TENM3: variants seen among roughly 807,000 people sequenced by gnomAD.
TENM3 encodes the protein teneurin-3.
A neutral mutation model predicts 255.1 loss-of-function variants in TENM3; 63 were observed. That is an observed-to-expected ratio of 0.25 (90% CI 0.20 to 0.30). The LOEUF (loss-of-function observed/expected upper bound fraction) is 0.30. TENM3 is among the 10% of genes least tolerant of loss of function. The pLI is 1.00. For synonymous variants in TENM3, 1,306 were observed against 1,322.3 expected, an observed-to-expected ratio of 0.99 and a Z score of 0.27; for missense variants, 2,929 against 3,461.1, an observed-to-expected ratio of 0.85 and a Z score of 3.86.
At chr4:181,994,793 A>C in the TENM3 span, among the ~76,000 whole-genome samples, 1 of 152,324 alleles carries the variant, frequency 6.6e-6, no homozygotes, top group South Asian at 2.1e-4. Context: ...TTAGCTAACG[A>C]AAAACAGAGT....
At chr4:181,512,369 C>T in the TENM3 span, among the ~76,000 whole-genome samples, 1 of 152,112 alleles carries the variant, frequency 6.6e-6, no homozygotes, top group Non-Finnish European at 1.5e-5. Context: ...CTTGCAGGAG[C>T]CAGAAGTAGA....
chr4:182,564,305 TAA>T (rs35242466), intron 3 of TENM3, among the ~76,000 whole-genome samples: 134 of 144,160 alleles, frequency 9.3e-4, no homozygotes, highest in Admixed American at 1.2e-3. Flanking sequence ...AACCTTTCTT[TAA>T]AAAAAAAAAA....
chr4:182,677,636 T>G (rs1253625725), intron 7 of TENM3, among the ~76,000 whole-genome samples: 1 of 152,148 alleles, frequency 6.6e-6, no homozygotes, highest in African/African-American at 2.4e-5. Context: ...TCCACACCAG[T>G]CAGTATTTTC....
intron 12 of TENM3, among the ~76,000 whole-genome samples, chr4:182,694,319 A>C (rs1757225408): frequency 6.6e-6 from 1 of 151,974 alleles, no homozygotes; most frequent in African/African-American, 2.4e-5. Flanking sequence ...CATGTTGCCC[A>C]GGCGGGCTGG....
At chr4:182,452,322 T>C (rs550226955) in intron 3 of TENM3, among the ~76,000 whole-genome samples, 1 of 151,948 alleles carries the variant, frequency 6.6e-6, no homozygotes. Context: ...TTAGATTTTT[T>C]TTTTGGCAGG....
At chr4:181,832,827 G>T in the TENM3 span, among the ~76,000 whole-genome samples, 1,127 of 152,264 alleles carry the variant, frequency 7.4e-3, 18 homozygotes, top group African/African-American at 0.026. Context: ...GGTTGTGTGG[G>T]GGGCAGCCCA....
At chr4:182,719,560 A>G (rs1407731366) in intron 13 of TENM3, among the ~76,000 whole-genome samples, 1 of 151,980 alleles carries the variant, frequency 6.6e-6, no homozygotes, top group African/African-American at 2.4e-5. Flanking sequence ...CGCCTGGCCT[A>G]GAGCTATCTT....
chr4:181,605,578 A>T, the TENM3 span, among the ~76,000 whole-genome samples: 16 of 28,004 alleles, frequency 5.7e-4, 2 homozygotes, highest in East Asian at 1.2e-3. Context: ...AAGAGAGAGA[A>T]AGAAAGGAAA....
intron 3 of TENM3, among the ~76,000 whole-genome samples, chr4:182,558,067 T>C (rs1338699655): frequency 6.6e-6 from 1 of 152,128 alleles, no homozygotes; most frequent in Non-Finnish European, 1.5e-5. Flanking sequence ...CTTGAATGCA[T>C]GAAGGAAGGG....
At chr4:182,525,689 T>C (rs763656207) in intron 3 of TENM3, among the ~76,000 whole-genome samples, 1 of 152,224 alleles carries the variant, frequency 6.6e-6, no homozygotes, top group Admixed American at 6.5e-5. Context: ...CGAGTTCTAT[T>C]GTCCCCATGT....
At chr4:181,472,089 C>T in the TENM3 span, among the ~76,000 whole-genome samples, 1 of 152,116 alleles carries the variant, frequency 6.6e-6, no homozygotes, top group Non-Finnish European at 1.5e-5. Flanking sequence ...TACCTGCTTC[C>T]ACTATTTTCT....
the TENM3 span, among the ~76,000 whole-genome samples, chr4:182,131,834 G>A: frequency 3.3e-5 from 5 of 152,180 alleles, no homozygotes; most frequent in Admixed American, 6.5e-5. Flanking sequence ...AGGTGTTCTA[G>A]TGGACAGTTT....
intron 12 of TENM3, among the ~76,000 whole-genome samples, chr4:182,702,872 G>A (rs995426473): frequency 6.6e-5 from 10 of 151,846 alleles, no homozygotes; most frequent in Non-Finnish European, 1.0e-4. Flanking sequence ...ACATAGCTGG[G>A]ACTACAGGCG....
chr4:181,601,733 G>C, the TENM3 span, among the ~76,000 whole-genome samples: 5 of 152,168 alleles, frequency 3.3e-5, no homozygotes, highest in Admixed American at 2.6e-4. Context: ...CGTTAGACTG[G>C]AGCTCACCTT....
At chr4:181,686,046 A>G in the TENM3 span, among the ~76,000 whole-genome samples, 1 of 152,204 alleles carries the variant, frequency 6.6e-6, no homozygotes, top group Non-Finnish European at 1.5e-5. Flanking sequence ...TCGGATCAGT[A>G]TGCATATTTT....
the TENM3 span, among the ~76,000 whole-genome samples, chr4:181,680,729 T>C: frequency 6.6e-6 from 1 of 152,174 alleles, no homozygotes; most frequent in East Asian, 1.9e-4. Flanking sequence ...CTCTGTAAAC[T>C]GTACAGTGCT....
chr4:181,494,121 C>A, the TENM3 span, among the ~76,000 whole-genome samples: 7 of 152,122 alleles, frequency 4.6e-5, no homozygotes, highest in Non-Finnish European at 1.0e-4. Flanking sequence ...GGGTTATACA[C>A]CTAATAAGTG....
intron 1 of TENM3, among the ~76,000 whole-genome samples, chr4:182,258,978 G>T (rs1758611044): frequency 2.0e-5 from 3 of 152,192 alleles, no homozygotes; most frequent in Admixed American, 2.0e-4. Context: ...TTTTGCATTT[G>T]TTTTGGAGAA....
At chr4:182,353,649 C>A (rs1765327695) in intron 3 of TENM3, among the ~76,000 whole-genome samples, 1 of 152,150 alleles carries the variant, frequency 6.6e-6, no homozygotes. Flanking sequence ...TGGGTATGTA[C>A]AAGTCACTTT....
Sources: gnomAD v4.1 joint callset for allele counts (sites outside exome capture counted in the v4.1 genomes callset) on GRCh38, gnomAD v4.1.1 for gene constraint, MANE v1.5 for transcripts, NCBI Gene and HGNC (gene_info 2026-07-23, HGNC 2026-07-21) for gene names.